Variants in SNX29 observed in about 807,000 individuals in gnomAD.
SNX29 encodes the protein sorting nexin-29.
In SNX29, 78 loss-of-function variants were observed where a neutral mutation model predicts 102.1. That is an observed-to-expected ratio of 0.76 (90% CI 0.64 to 0.92). SNX29 has a LOEUF of 0.92. Among genes scored for constraint, SNX29 ranks in the 40% least tolerant of loss-of-function variants. The pLI is 0.00. For synonymous variants in SNX29, 580 were observed against 414.5 expected (o/e 1.40, Z -4.85); for missense variants, 1,280 against 1,061.7 (o/e 1.21, Z -2.86).
intron 16 of SNX29, among the ~76,000 whole-genome samples, chr16:12,389,453 C>T (rs552199403): frequency 6.6e-6 from 1 of 152,128 alleles, no homozygotes; most frequent in African/African-American, 2.4e-5. Context: ...TCGCTTGGCT[C>T]TCATTCTCCT....
intron 3 of SNX29, among the ~76,000 whole-genome samples, chr16:12,020,749 G>C (rs186695088): frequency 6.6e-6 from 1 of 151,704 alleles, no homozygotes; most frequent in East Asian, 2.0e-4. Flanking sequence ...TCAGCCACCT[G>C]AGTAGCTGGG....
chr16:12,371,421 C>T (rs11649383), intron 16 of SNX29, among the ~76,000 whole-genome samples: 160 of 151,532 alleles, frequency 1.1e-3, no homozygotes, highest in African/African-American at 3.4e-3. Flanking sequence ...CTTCAGGCTC[C>T]GGAGAAGCTG....
intron 20 of SNX29, among the ~76,000 whole-genome samples, chr16:12,552,909 C>T (rs530720686): frequency 2.6e-5 from 4 of 152,208 alleles, no homozygotes; most frequent in Admixed American, 6.5e-5. Context: ...TAGGCAAGGG[C>T]AGCAGAGCTG....
intron 14 of SNX29, among the ~76,000 whole-genome samples, chr16:12,204,699 T>G (rs2077002053): frequency 6.6e-6 from 1 of 152,250 alleles, no homozygotes; most frequent in Admixed American, 6.5e-5. Flanking sequence ...TTAAAAAGTT[T>G]GTTCTCAGAA....
At chr16:12,084,791 G>A (rs529983037) in intron 11 of SNX29, among the ~76,000 whole-genome samples, 5 of 152,174 alleles carry the variant, frequency 3.3e-5, no homozygotes, top group Admixed American at 6.5e-5. Context: ...TAAATAGGCC[G>A]GGTGCAGTGG....
At chr16:12,260,576 TC>T (rs1342031107) in intron 14 of SNX29, among the ~76,000 whole-genome samples, 1 of 152,224 alleles carries the variant, frequency 6.6e-6, no homozygotes, top group Admixed American at 6.5e-5. Context: ...GGTGGGGGCA[TC>T]CATGTCCTCC....
intron 18 of SNX29, among the ~76,000 whole-genome samples, chr16:12,437,080 G>C (rs1046115407): frequency 6.6e-6 from 1 of 152,250 alleles, no homozygotes; most frequent in African/African-American, 2.4e-5. Flanking sequence ...TTGTGTTCCA[G>C]CTTAGAATGA....
chr16:12,355,629 A>G (rs1279281882), intron 15 of SNX29, among the ~76,000 whole-genome samples: 1 of 152,124 alleles, frequency 6.6e-6, no homozygotes, highest in African/African-American at 2.4e-5. Context: ...TAGTCTGTAC[A>G]TTGACTATAG....
chr16:12,093,689 T>C (rs1389525101), intron 11 of SNX29: 7 of 152,216 alleles, frequency 4.6e-5, no homozygotes, highest in Non-Finnish European at 8.8e-5. Context: ...GTGGTAATAT[T>C]ATCCCCTTGG....
At chr16:12,259,310 C>A (rs994971234) in intron 14 of SNX29, among the ~76,000 whole-genome samples, 1 of 152,200 alleles carries the variant, frequency 6.6e-6, no homozygotes, top group African/African-American at 2.4e-5. Context: ...GCTGGGCCAC[C>A]TGGCTGCTCG....
chr16:12,436,231 C>T (rs1480932932), intron 18 of SNX29, among the ~76,000 whole-genome samples: 1 of 152,172 alleles, frequency 6.6e-6, no homozygotes. Flanking sequence ...GAGGGCCACG[C>T]CTCCTCCCTG....
At chr16:12,262,041 C>T (rs1197891706) in intron 14 of SNX29, among the ~76,000 whole-genome samples, 1 of 146,952 alleles carries the variant, frequency 6.8e-6, no homozygotes, top group African/African-American at 2.5e-5. Flanking sequence ...TGTGCACGTC[C>T]CCGGCTGGAG....
At chr16:12,165,755 T>A (rs995203693) in intron 13 of SNX29, among the ~76,000 whole-genome samples, 3 of 152,190 alleles carry the variant, frequency 2.0e-5, no homozygotes, top group South Asian at 2.1e-4. Flanking sequence ...GTGGAGACGG[T>A]GTTTTGCCAT....
intron 14 of SNX29, among the ~76,000 whole-genome samples, chr16:12,210,189 G>A (rs2077146354): frequency 1.3e-5 from 2 of 152,190 alleles, no homozygotes; most frequent in African/African-American, 4.8e-5. Flanking sequence ...GTCTTGGTCA[G>A]GGCCAGCCAC....
At chr16:12,464,227 G>GGTGTGTGTGTGT (rs1343276856) in intron 18 of SNX29, among the ~76,000 whole-genome samples, 1 of 106,386 alleles carries the variant, frequency 9.4e-6, no homozygotes, top group African/African-American at 4.9e-5. Flanking sequence ...ATTATTCCAT[G>GGTGTGTGTGTGT]GCGTGTGTGT....
intron 13 of SNX29, among the ~76,000 whole-genome samples, chr16:12,186,450 C>T (rs1384094290): frequency 6.6e-6 from 1 of 152,156 alleles, no homozygotes; most frequent in Non-Finnish European, 1.5e-5. Flanking sequence ...CCTAAATACT[C>T]AAGCAGATAA....
chr16:12,559,848 G>T (rs535257031), intron 20 of SNX29, among the ~76,000 whole-genome samples: 1 of 152,128 alleles, frequency 6.6e-6, no homozygotes, highest in Non-Finnish European at 1.5e-5. Context: ...ATGCCAGACT[G>T]CTTTGATTTA....
intron 18 of SNX29, among the ~76,000 whole-genome samples, chr16:12,450,073 T>G (rs1336002523): frequency 6.6e-6 from 1 of 152,218 alleles, no homozygotes. Flanking sequence ...TTGCTTATTC[T>G]TGTTCTCTCT....
chr16:12,404,316 C>T (rs1294959638), intron 18 of SNX29, among the ~76,000 whole-genome samples: 1 of 152,108 alleles, frequency 6.6e-6, no homozygotes, highest in East Asian at 1.9e-4. Flanking sequence ...TGATTTTACC[C>T]AATCAAGGGG....
Sources: gnomAD v4.1 joint callset for allele counts (sites outside exome capture counted in the v4.1 genomes callset) on GRCh38, gnomAD v4.1.1 for gene constraint, MANE v1.5 for transcripts, NCBI Gene and HGNC (gene_info 2026-07-23, HGNC 2026-07-21) for gene names.